SFMBT1: variants seen among roughly 807,000 people sequenced by gnomAD.
SFMBT1 encodes the protein Scm like with four mbt domains 1, also known as scm-like with four MBT domains protein 1.
SFMBT1 carries 32 observed loss-of-function variants against 108.7 expected under a neutral mutation model. The observed-to-expected ratio is 0.29, with a 90% CI of 0.22 to 0.40. The LOEUF (loss-of-function observed/expected upper bound fraction) is 0.40. Ranked by LOEUF, SFMBT1 falls within the 10% of genes least tolerant of loss-of-function variation. The probability of loss-of-function intolerance (pLI) is 1.00; values close to 1 mark genes in which losing one functional copy is unlikely to be tolerated. For missense variants in SFMBT1, 816 were observed against 1,059.6 expected (o/e 0.77, Z 3.19); for synonymous variants, 348 against 369.5 (o/e 0.94, Z 0.67).
At chr3:53,022,126 T>C (rs2106944087) in intron 1 of SFMBT1, among the ~76,000 whole-genome samples, 1 of 152,252 alleles carries the variant, frequency 6.6e-6, no homozygotes, top group East Asian at 1.9e-4. Context: ...TCTAAGCTAC[T>C]CTAGCAGGTG....
At chr3:52,947,823 C>A (rs1216678186) in intron 3 of SFMBT1, among the ~76,000 whole-genome samples, 1 of 152,006 alleles carries the variant, frequency 6.6e-6, no homozygotes, top group Non-Finnish European at 1.5e-5. Flanking sequence ...CAACCTCTGC[C>A]TCCCGGGCTC....
chr3:52,947,616 G>A (rs1390430233), intron 3 of SFMBT1, among the ~76,000 whole-genome samples: 1 of 151,876 alleles, frequency 6.6e-6, no homozygotes, highest in Non-Finnish European at 1.5e-5. Flanking sequence ...CAGTTGTGTT[G>A]CAAACATTTT....
At chr3:52,919,735 T>A (rs1233999892) in intron 12 of SFMBT1, among the ~76,000 whole-genome samples, 1 of 152,216 alleles carries the variant, frequency 6.6e-6, no homozygotes, top group Non-Finnish European at 1.5e-5. Flanking sequence ...CCAGTTGTCA[T>A]GTTGTGAGCT....
chr3:53,028,219 C>T (rs1034915169), intron 1 of SFMBT1, among the ~76,000 whole-genome samples: 3 of 152,176 alleles, frequency 2.0e-5, no homozygotes, highest in Admixed American at 1.3e-4. Flanking sequence ...GTAGCTGAGA[C>T]TACAGGTGCA....
intron 1 of SFMBT1, among the ~76,000 whole-genome samples, chr3:53,035,544 T>C (rs1263945885): frequency 6.6e-6 from 1 of 152,234 alleles, no homozygotes; most frequent in Non-Finnish European, 1.5e-5. Context: ...ACAAAGTTTA[T>C]CTTGAAAATG....
In SFMBT1 at chr3:52,906,119, T is replaced by C; in HGVS notation, c.2454A>G (p.Leu818=). The change falls in exon 20 of 21, where the codon CTA becomes CTG. Residue 818 remains leucine, a synonymous_variant. Coordinates refer to ENST00000394752, the MANE Select transcript of SFMBT1 (RefSeq NM_016329.4). ...TATAGGTATCTGTGATTACCTGGTC[T>C]AGGAATATTCTTGCTAATGGAGCAC... ...TDCAPLARIF[L]DQEIDGQALL... The C allele has an allele frequency of 6.2e-7, 1 of 1,614,126 alleles. No homozygotes were observed. The highest frequency in any genetic ancestry group is 8.5e-7 in the Non-Finnish European group (1 of 1,179,972).
intron 1 of SFMBT1, among the ~76,000 whole-genome samples, chr3:53,005,680 G>A (rs1246959199): frequency 6.6e-6 from 1 of 152,214 alleles, no homozygotes; most frequent in Non-Finnish European, 1.5e-5. Flanking sequence ...CAAAAACATA[G>A]AGATGACAAC....
rs1395932553 is a variant in SFMBT1, at chr3:52,907,594, G to A, written c.2046C>T (p.Ser682=). ...CTGGGGTATTATCAACAGATGCAGA[G>A]GAGCGTTTCTTCTTATGAACAAAAA... ...KNVFVHKKKR[S]SASVDNTPAG... is the part of the protein sequence containing the mutation. Residue 682 remains serine, a synonymous_variant, in exon 18 of 21, where the codon TCC becomes TCT. Transcript: ENST00000394752. The A allele has an allele frequency of 2.5e-6, 4 of 1,614,056 alleles. No homozygotes were observed. Among genetic ancestry groups the A allele is most frequent in the African/African-American group, 2.7e-5 (2 of 75,020 alleles).
intron 1 of SFMBT1, among the ~76,000 whole-genome samples, chr3:52,981,529 ATTTTTTTTT>A: frequency 7.5e-6 from 1 of 133,032 alleles, no homozygotes; most frequent in East Asian, 2.3e-4. Flanking sequence ...TGCTCAGCTA[ATTTTTTTTT>A]TTTTTTTTTT....
At chr3:53,031,521 G>A (rs1267491498) in intron 1 of SFMBT1, among the ~76,000 whole-genome samples, 2 of 151,230 alleles carry the variant, frequency 1.3e-5, no homozygotes, top group African/African-American at 4.9e-5. Context: ...GATATTTAAA[G>A]CAGCAAAATA....
In SFMBT1 at chr3:52,916,701, AC is replaced by A. The variant is rs141883461; in HGVS notation, c.1416-488del. Among the ~76,000 whole-genome samples the A allele has an allele frequency of 4.3e-4, 64 of 149,702 alleles. 1 individual carries two copies. Among genetic ancestry groups the A allele is most frequent in the Middle Eastern group, 3.4e-3 (1 of 290 alleles). ...CCAAACAACAACAACAACAACAACA[AC>A]AACAAAAAACTACAACAACAAAAAA... On this transcript the variant is annotated intron_variant, in intron 13 of 20. Transcript: ENST00000394752.
chr3:53,043,185 G>A (rs533024471), intron 1 of SFMBT1: 2 of 152,082 alleles, frequency 1.3e-5, no homozygotes, highest in Admixed American at 6.5e-5. Flanking sequence ...GGCACAAGAC[G>A]ACATTGGTGA....
intron 1 of SFMBT1, among the ~76,000 whole-genome samples, chr3:52,984,596 C>A (rs1176906179): frequency 6.6e-6 from 1 of 151,908 alleles, no homozygotes; most frequent in East Asian, 1.9e-4. Context: ...AATTTTCTAG[C>A]TTTCTTTAAT....
chr3:52,968,986 CAACTT>C, intron 2 of SFMBT1, 110 bp downstream of exon 2: 3 of 1,258,636 alleles, frequency 2.4e-6, no homozygotes, highest in Non-Finnish European at 3.4e-6. Flanking sequence ...CAATGAAAAA[CAACTT>C]AAGACTTCAA....
intron 1 of SFMBT1, among the ~76,000 whole-genome samples, chr3:52,998,688 C>T (rs1230169183): frequency 6.6e-6 from 1 of 150,670 alleles, no homozygotes; most frequent in Non-Finnish European, 1.5e-5. Flanking sequence ...CTGCTCCTCG[C>T]CATCTCGGCA....
intron 1 of SFMBT1, among the ~76,000 whole-genome samples, chr3:53,002,782 T>C (rs1698603137): frequency 1.3e-5 from 2 of 150,364 alleles, no homozygotes; most frequent in South Asian, 4.2e-4. Flanking sequence ...CAGCAAGTCA[T>C]ATGATATTCA....
intron 1 of SFMBT1, among the ~76,000 whole-genome samples, chr3:53,012,528 G>A (rs1424566491): frequency 1.3e-5 from 2 of 151,672 alleles, no homozygotes; most frequent in Non-Finnish European, 2.9e-5. Context: ...TCAGCCTCCC[G>A]AGTAGCTGGG....
chr3:52,931,182 A>G, intron 6 of SFMBT1, 147 bp from the exon 7 acceptor site: 1 of 669,496 alleles, frequency 1.5e-6, no homozygotes, highest in East Asian at 2.8e-5. Flanking sequence ...TTACATTCAA[A>G]GAACTTGCAC....
At chr3:52,947,252 G>T (rs1243697209) in intron 3 of SFMBT1, among the ~76,000 whole-genome samples, 1 of 151,932 alleles carries the variant, frequency 6.6e-6, no homozygotes, top group African/African-American at 2.4e-5. Flanking sequence ...CAAATAGCTG[G>T]GACTACAGAT....
Sources: allele counts gnomAD v4.1 joint callset (sites outside exome capture counted in the v4.1 genomes callset), GRCh38; gene constraint gnomAD v4.1.1; transcripts MANE v1.5; gene names NCBI Gene and HGNC (gene_info 2026-07-23, HGNC 2026-07-21).